Variants in IL18BP observed in about 807,000 individuals in gnomAD.
IL18BP encodes interleukin 18 binding protein, also known as interleukin-18-binding protein.
A neutral mutation model predicts 19.9 loss-of-function variants in IL18BP; 23 were observed. The observed-to-expected ratio is 1.15, with a 90% CI of 0.83 to 1.64. The LOEUF is 1.64. IL18BP is among the 40% of genes most tolerant of loss of function. The pLI, the probability that IL18BP is intolerant of heterozygous loss-of-function variation, is 0.00. For synonymous variants in IL18BP, 107 were observed against 101.0 expected (o/e 1.06, Z -0.35); for missense variants, 239 against 240.7 (o/e 0.99, Z 0.05).
chr11:72,005,136 C>A, downstream of IL18BP: 1 of 1,343,596 alleles, frequency 7.4e-7, no homozygotes, highest in South Asian at 1.5e-5. Flanking sequence ...CTCGGCCAGT[C>A]AGTGATCCAG....
At position 72,001,477 on chromosome 11, in the gene IL18BP, C is replaced by A. The variant is rs766633441; in HGVS notation, c.432C>A (p.His144Gln). The A allele has an allele frequency of 2.5e-6, 4 of 1,614,020 alleles. No individual in the cohort carries two copies. Reference sequence around the variant, plus strand: ...TGGAGCAGCTGACCCCTGCCCTGCACAGCACCAACTTCTCCTGTGTGCTCG... The same window carrying A: ...TGGAGCAGCTGACCCCTGCCCTGCAAAGCACCAACTTCTCCTGTGTGCTCG... ...LVLEQLTPAL[H>Q]STNFSCVLVD... The change falls in exon 5 of 6, where the codon CAC (histidine) becomes CAA (glutamine). Residue 144 changes from histidine (H) to glutamine (Q), a missense_variant. By Grantham distance (24) the His-to-Gln change is conservative. Coordinates refer to ENST00000393703, the MANE Select transcript of IL18BP (RefSeq NM_001039660.2).
intron 5 of IL18BP, 107 bp from the exon 6 acceptor site, chr11:72,001,677 G>C (rs542554069): frequency 4.5e-5 from 72 of 1,609,774 alleles, no homozygotes; most frequent in Non-Finnish European, 6.1e-5. Flanking sequence ...AGGTCAGCCA[G>C]ACAAAAAGGA....
At chr11:72,000,195 G>T (rs1955136885) in intron 2 of IL18BP, among the ~76,000 whole-genome samples, 156 bp from the exon 3 acceptor site, 1 of 152,156 alleles carries the variant, frequency 6.6e-6, no homozygotes, top group Non-Finnish European at 1.5e-5. Context: ...TCTGTACTCT[G>T]TTCAATAAAG....
downstream of IL18BP, chr11:72,008,007 C>T: frequency 2.3e-6 from 1 of 430,812 alleles, no homozygotes; most frequent in Non-Finnish European, 4.6e-6. Flanking sequence ...GGTCAAACCC[C>T]AGCTCTACCA....
At position 72,000,381 on chromosome 11, in the gene IL18BP, G is replaced by T; in HGVS notation, c.59G>T (p.Cys20Phe). 1 of 1,613,986 alleles carries T rather than the reference G, an allele frequency of 6.2e-7. No homozygotes were observed. The highest frequency in any genetic ancestry group is 1.3e-5 in the African/African-American group (1 of 75,006). The change falls in exon 3 of 6, where the codon TGT (cysteine) becomes TTT (phenylalanine). Residue 20 changes from cysteine (C) to phenylalanine (F), a missense_variant. Coordinates refer to ENST00000393703, the MANE Select transcript of IL18BP (RefSeq NM_001039660.2). ...DLSPLWVLLLCAHVVTLLVRA... is the reference protein window; with the variant it reads ...DLSPLWVLLLFAHVVTLLVRA... ...AGCCCTTTGTGGGTCCTGCTCCTGT[G>T]TGCCCACGTCGTCACTCTCCTGGTC...
downstream of IL18BP, chr11:72,007,180 C>T (rs1278644313): frequency 1.2e-6 from 2 of 1,605,844 alleles, no homozygotes; most frequent in Non-Finnish European, 1.7e-6. Context: ...CCTGTCCCAG[C>T]AGCCTGACCT....
chr11:72,003,110 G>C (rs1955372842), downstream of IL18BP: 1 of 266,262 alleles, frequency 3.8e-6, no homozygotes, highest in Non-Finnish European at 7.3e-6. Context: ...GACTTCAAGA[G>C]TGAGGGCCCC....
downstream of IL18BP, chr11:72,003,419 A>C: frequency 9.2e-7 from 1 of 1,088,072 alleles, no homozygotes; most frequent in African/African-American, 1.5e-5. Context: ...GGGTTTGGCT[A>C]CTGTTGGCCT....
chr11:72,006,413 T>C (rs1955706071), downstream of IL18BP: 2 of 650,772 alleles, frequency 3.1e-6, no homozygotes, highest in Admixed American at 6.0e-5. Flanking sequence ...CTGCAAGAAA[T>C]GGGCCTTGTC....
chr11:72,003,731 C>G, downstream of IL18BP: 3 of 999,962 alleles, frequency 3.0e-6, no homozygotes, highest in Non-Finnish European at 4.6e-6. Flanking sequence ...TCTGTCTTCT[C>G]TCCTTGGAGA....
chr11:72,003,411 G>C (rs1409381822), downstream of IL18BP: 1 of 1,015,174 alleles, frequency 9.9e-7, no homozygotes, highest in African/African-American at 1.6e-5. Flanking sequence ...GTCTCTAGGG[G>C]TTTGGCTACT....
At chr11:72,003,694 TG>T (rs1955430893), downstream of IL18BP, 1 of 1,060,168 alleles carries the variant, frequency 9.4e-7, no homozygotes, top group Non-Finnish European at 1.4e-6. Context: ...TGAGCAGCTC[TG>T]GGTGCTCTCC....
downstream of IL18BP, chr11:72,007,941 C>T: frequency 2.7e-6 from 1 of 373,602 alleles, no homozygotes; most frequent in East Asian, 6.7e-5. Flanking sequence ...CTCATCATGG[C>T]ACTGACAGAG....
At position 72,001,302 on chromosome 11, in the gene IL18BP, CG is replaced by C. The variant is rs759938079; in HGVS notation, c.338del (p.Arg113HisfsTer27). On this transcript the variant is annotated frameshift_variant, in exon 4 of 6. Transcript: ENST00000393703. LOFTEE classifies it high-confidence loss of function. Reference protein sequence around the residue: ...NGSFIEHLPGRLWEGSTSRER... With the variant: ...NGSFIEHLPGXLWEGSTSRER... ...TTCCTTCATTGAGCACCTCCCAGGC[CG>C]ACTGTGGGAGGGGAGCACCAGGTGA... The C allele has an allele frequency of 6.2e-7, 1 of 1,614,180 alleles. No individual in the cohort carries two copies. The highest frequency in any genetic ancestry group is 1.1e-5 in the South Asian group (1 of 91,078).
In IL18BP at chr11:72,001,879, G is replaced by A. The variant is rs773650278; in HGVS notation, c.*18G>A. 5.0e-6 allele frequency: 8 copies of A among 1,614,056 alleles called. No homozygotes were observed. Among genetic ancestry groups the A allele is most frequent in the Non-Finnish European group, 6.8e-6 (8 of 1,179,946 alleles). On this transcript the variant is annotated 3_prime_UTR_variant, in exon 6 of 6. Coordinates refer to ENST00000393703, the MANE Select transcript of IL18BP (RefSeq NM_001039660.2). ...AGGGTTAAGACTCAGCACAGGGCCAGCAGCAGCACAACCTTGACCAGAGCT... is the reference window on the plus strand; with the variant it reads ...AGGGTTAAGACTCAGCACAGGGCCAACAGCAGCACAACCTTGACCAGAGCT...
In IL18BP at chr11:72,000,351, ACCT is replaced by A; in HGVS notation, c.31_33del (p.Leu11del). The A allele has an allele frequency of 2.5e-6, 4 of 1,613,296 alleles. No individual in the cohort carries two copies. In the South Asian group the frequency reaches 3.3e-5, roughly 13 times the overall value. ...TGACCTGTAACTGTCCTTTCCTCAG[ACCT>A]CAGCCCTTTGTGGGTCCTGCTCCTG... On this transcript the variant is annotated inframe_deletion and splice_region_variant, in exon 3 of 6. Coordinates refer to ENST00000393703, the MANE Select transcript of IL18BP (RefSeq NM_001039660.2).
rs1452503067 is a variant in IL18BP at position 72,001,522 on chromosome 11, C to T, written c.477C>T (p.Val159=). 6.2e-7 allele frequency: 1 copy of T among 1,613,616 alleles called. No individual in the cohort carries two copies. The highest frequency in any genetic ancestry group is 8.5e-7 in the Non-Finnish European group (1 of 1,179,764). The change falls in exon 5 of 6, where the codon GTC becomes GTT. Residue 159 remains valine, a synonymous_variant. Transcript: ENST00000393703. ...SCVLVDPEQV[V]QRHVVLAQLW... is the part of the protein sequence containing the mutation. ...TGCTCGTGGACCCTGAACAGGTTGT[C>T]CAGCGTCACGTCGTCCTGGCCCAGC... is the stretch of plus-strand genomic sequence containing the variant.
chr11:72,007,674 T>C (rs889299358), downstream of IL18BP: 3 of 565,218 alleles, frequency 5.3e-6, no homozygotes. Flanking sequence ...AGATGTCCCA[T>C]CCCCACCAGA....
At position 72,000,574 on chromosome 11, in the gene IL18BP, T is replaced by A. The variant is rs781688498; in HGVS notation, c.235+17T>A. On this transcript the variant is annotated intron_variant, in intron 3 of 5. Transcript: ENST00000393703. Reference sequence around the variant, plus strand: ...TGCCACTGAGTAAGAAGCACAGTGGTGGAGGGTGGGCTATGGGCACAGAGG... The same window carrying A: ...TGCCACTGAGTAAGAAGCACAGTGGAGGAGGGTGGGCTATGGGCACAGAGG... The A allele has an allele frequency of 6.2e-7, 1 of 1,600,954 alleles. No individual in the cohort carries two copies. Among genetic ancestry groups the A allele is most frequent in the Non-Finnish European group, 8.5e-7 (1 of 1,175,730 alleles).
Sources: gnomAD v4.1 joint callset for allele counts (sites outside exome capture counted in the v4.1 genomes callset) on GRCh38, gnomAD v4.1.1 for gene constraint, MANE v1.5 for transcripts, NCBI Gene and HGNC (gene_info 2026-07-23, HGNC 2026-07-21) for gene names.